Variants in DPPA2 observed in about 807,000 individuals in gnomAD.
DPPA2 encodes developmental pluripotency-associated protein 2.
DPPA2 carries 26 observed loss-of-function variants against 36.2 expected under a neutral mutation model. That is an observed-to-expected ratio of 0.72 (90% CI 0.53 to 1.00). DPPA2 has a LOEUF of 1.00. Ranked by LOEUF, DPPA2 falls within the 50% of genes least tolerant of loss-of-function variation. The probability of loss-of-function intolerance (pLI) is 0.00; values close to 1 mark genes in which losing one functional copy is unlikely to be tolerated. For missense variants in DPPA2, 361 were observed against 365.1 expected (o/e 0.99, Z 0.09); for synonymous variants, 113 against 123.2 (o/e 0.92, Z 0.55).
chr3:109,309,003 C>T (rs772729517), intron 5 of DPPA2, 23 bp downstream of exon 5: 1 of 1,613,998 alleles, frequency 6.2e-7, no homozygotes, highest in Admixed American at 1.7e-5. Context: ...CACCTTCACA[C>T]CATCAACACA....
chr3:109,300,531 G>A, intron 7 of DPPA2, 96 bp from the exon 8 acceptor site: 2 of 1,227,986 alleles, frequency 1.6e-6, no homozygotes, highest in Non-Finnish European at 2.4e-6. Flanking sequence ...AATAAAGCAT[G>A]CACTTCTGGG....
At chr3:109,308,319 T>G (rs755755623) in intron 5 of DPPA2, 26 bp from the exon 6 acceptor site, 1 of 1,612,394 alleles carries the variant, frequency 6.2e-7, no homozygotes, top group Non-Finnish European at 8.5e-7. Flanking sequence ...ACGATGAGTA[T>G]TCAGTAAACC....
At chr3:109,303,621 G>A (rs191976062) in intron 7 of DPPA2, among the ~76,000 whole-genome samples, 3,765 of 151,690 alleles carry the variant, frequency 0.025, 150 homozygotes, top group African/African-American at 0.084. Context: ...CGCCCGCCTC[G>A]GCCTCCCAAA....
chr3:109,312,927 G>C (rs1225864401), intron 2 of DPPA2, among the ~76,000 whole-genome samples: 2 of 152,170 alleles, frequency 1.3e-5, no homozygotes, highest in Non-Finnish European at 2.9e-5. Context: ...AGAGAAAATA[G>C]AAGGGTAGGG....
At chr3:109,298,888 T>TA (rs1233960501) in intron 8 of DPPA2, among the ~76,000 whole-genome samples, 6 of 150,918 alleles carry the variant, frequency 4.0e-5, no homozygotes, top group South Asian at 2.1e-4. Context: ...TACCAAAAAT[T>TA]AAAAAAAATT....
At chr3:109,299,555 G>A (rs1204938612) in intron 8 of DPPA2, among the ~76,000 whole-genome samples, 1 of 151,244 alleles carries the variant, frequency 6.6e-6, no homozygotes, top group African/African-American at 2.4e-5. Flanking sequence ...GCGTGGTGGT[G>A]TGCACCTGTA....
intron 6 of DPPA2, among the ~76,000 whole-genome samples, chr3:109,307,249 A>G (rs1344159960): frequency 6.6e-6 from 1 of 152,020 alleles, no homozygotes; most frequent in African/African-American, 2.4e-5. Flanking sequence ...GCATACAGGC[A>G]TGAGCCACCA....
chr3:109,307,119 C>A (rs182167380), intron 6 of DPPA2, among the ~76,000 whole-genome samples: 76 of 151,918 alleles, frequency 5.0e-4, no homozygotes, highest in African/African-American at 1.8e-3. Flanking sequence ...CAGGCACACA[C>A]CACCATGCCC....
At chr3:109,309,853 G>C (rs993872871) in intron 3 of DPPA2, among the ~76,000 whole-genome samples, 1 of 151,432 alleles carries the variant, frequency 6.6e-6, no homozygotes, top group Non-Finnish European at 1.5e-5. Flanking sequence ...AGGCAAATTC[G>C]CCCAAATTAC....
chr3:109,301,676 A>T (rs1410851279), intron 7 of DPPA2, among the ~76,000 whole-genome samples: 3 of 15,870 alleles, frequency 1.9e-4, no homozygotes, highest in Non-Finnish European at 1.8e-3. Context: ...TTTAAAAAGG[A>T]AAAGAGAGAA....
rs1248594230 is a variant in DPPA2, at chr3:109,304,645, G to A, written c.684C>T (p.Gly228=). The part of the protein sequence containing the change: ...ASGVRWCVVH[G]RLLSADTKGW... Reference sequence around the variant, plus strand: ...CCTTTGTGTCTGCCGAGAGAAGTCTGCCATGGACCACACACCACCTGACGC... The same window carrying A: ...CCTTTGTGTCTGCCGAGAGAAGTCTACCATGGACCACACACCACCTGACGC... The change falls in exon 7 of 9, where the codon GGC becomes GGT. Residue 228 remains glycine (G), a synonymous_variant. Coordinates refer to ENST00000478945, the MANE Select transcript of DPPA2 (RefSeq NM_138815.4). 1 of 1,608,466 alleles carries A rather than the reference G, an allele frequency of 6.2e-7. No individual in the cohort carries two copies.
intron 1 of DPPA2, among the ~76,000 whole-genome samples, chr3:109,316,050 C>T (rs1707779115): frequency 6.6e-6 from 1 of 152,106 alleles, no homozygotes; most frequent in South Asian, 2.1e-4. Context: ...CTTCCACAAG[C>T]CCTCCAGGTA....
chr3:109,312,838 G>T, intron 2 of DPPA2, 146 bp from the exon 3 acceptor site: 1 of 1,065,500 alleles, frequency 9.4e-7, no homozygotes, highest in Non-Finnish European at 1.3e-6. Context: ...ATGTGATGTT[G>T]ATTAGCAGAC....
At chr3:109,303,597 G>A (rs960744790) in intron 7 of DPPA2, among the ~76,000 whole-genome samples, 2 of 150,814 alleles carry the variant, frequency 1.3e-5, no homozygotes, top group African/African-American at 4.9e-5. Flanking sequence ...TCGAACTCCC[G>A]ACCTCAGGTG....
rs1257707146 is a variant in DPPA2 at position 109,308,261 on chromosome 3, T to C, written c.429A>G (p.Leu143=). 6.2e-6 allele frequency: 10 copies of C among 1,614,142 alleles called. No individual in the cohort carries two copies. The South Asian group carries it at 1.1e-4, about 18-fold the overall frequency. The part of the protein sequence containing the change: ...DMPEMSQETR[L]QRCSRKRKAV... The stretch of plus-strand genomic sequence containing the variant: ...CCTTGCGTTTCCTCGAACATCGCTG[T>C]AATCTGGTCTCTTGTGACATTTCAG... Residue 143 remains leucine (L), a synonymous_variant, in exon 6 of 9, where the codon TTA becomes TTG. Coordinates refer to ENST00000478945, the MANE Select transcript of DPPA2 (RefSeq NM_138815.4).
intron 8 of DPPA2, among the ~76,000 whole-genome samples, chr3:109,296,268 C>T (rs1431639786): frequency 6.6e-6 from 1 of 151,934 alleles, no homozygotes; most frequent in African/African-American, 2.4e-5. Context: ...AATAGAAAAT[C>T]GTAAAAGTAA....
intron 7 of DPPA2, among the ~76,000 whole-genome samples, chr3:109,301,959 G>A (rs927776704): frequency 6.6e-6 from 1 of 152,136 alleles, no homozygotes; most frequent in Non-Finnish European, 1.5e-5. Context: ...GCCATCAGCA[G>A]TGTCCTAAAC....
Position 109,300,424 on chromosome 3 carries a change from ATCT to A in DPPA2, c.863_865del (p.Lys288del), listed in dbSNP as rs1707437424. 9 of 1,613,884 alleles carry A rather than the reference ATCT, an allele frequency of 5.6e-6. No homozygotes were observed. The highest frequency in any genetic ancestry group is 1.3e-5 in the African/African-American group (1 of 74,932). On this transcript the variant is annotated inframe_deletion, in exon 8 of 9. Transcript: ENST00000478945. ...CTCTACTGTCATTAATCTTTTCATC[ATCT>A]TCTTATTCCTGTAAGGCAAGTAGAA...
chr3:109,312,768 T>G, intron 2 of DPPA2, 76 bp from the exon 3 acceptor site: 1 of 1,556,468 alleles, frequency 6.4e-7, no homozygotes, highest in East Asian at 2.3e-5. Flanking sequence ...GCAAAAGTCA[T>G]GAATAAGGAA....
Sources: allele counts gnomAD v4.1 joint callset (sites outside exome capture counted in the v4.1 genomes callset), GRCh38; gene constraint gnomAD v4.1.1; transcripts MANE v1.5; gene names NCBI Gene and HGNC (gene_info 2026-07-23, HGNC 2026-07-21).